Variants in SNTG1 observed in about 807,000 individuals in gnomAD.
The protein encoded by SNTG1 is syntrophin gamma 1, also known as gamma-1-syntrophin.
Under a neutral mutation model 74.7 loss-of-function variants are expected in SNTG1, and 39 were observed. The ratio of observed to expected loss-of-function variants is 0.52; its 90% confidence interval spans 0.40 to 0.68. The LOEUF is 0.68. Ranked by LOEUF, SNTG1 falls within the 30% of genes least tolerant of loss-of-function variation. SNTG1 has a pLI of 0.00. For synonymous variants in SNTG1, 254 were observed against 217.1 expected (o/e 1.17, Z -1.49); for missense variants, 685 against 609.5 (o/e 1.12, Z -1.30).
At chr8:50,592,852 T>C (rs991050960) in intron 13 of SNTG1, among the ~76,000 whole-genome samples, 11 of 152,300 alleles carry the variant, frequency 7.2e-5, no homozygotes, top group African/African-American at 2.4e-4. Flanking sequence ...GTTAATAGAC[T>C]TTTTTCCTTA....
chr8:50,363,218 A>G (rs2092011440), intron 2 of SNTG1, among the ~76,000 whole-genome samples: 1 of 152,170 alleles, frequency 6.6e-6, no homozygotes, highest in Non-Finnish European at 1.5e-5. Context: ...TTATGAAGAA[A>G]CTATCAAGTG....
intron 1 of SNTG1, among the ~76,000 whole-genome samples, chr8:50,171,162 G>A (rs1341328674): frequency 6.6e-6 from 1 of 152,080 alleles, no homozygotes; most frequent in Non-Finnish European, 1.5e-5. Flanking sequence ...AGAATCTGGG[G>A]GCCATCTGTA....
At chr8:49,955,459 C>A (rs1264614272) in intron 1 of SNTG1, among the ~76,000 whole-genome samples, 1 of 152,204 alleles carries the variant, frequency 6.6e-6, no homozygotes, top group Non-Finnish European at 1.5e-5. Context: ...ATGCTTCAAG[C>A]CTCTTTAGCC....
intron 4 of SNTG1, among the ~76,000 whole-genome samples, chr8:50,432,231 G>A (rs561417316): frequency 3.3e-5 from 5 of 152,026 alleles, no homozygotes; most frequent in Non-Finnish European, 7.4e-5. Flanking sequence ...TCTTATGGAT[G>A]TCCAATTCCT....
At chr8:50,747,647 CTTGT>C (rs1378623042) in intron 17 of SNTG1, 1 of 151,876 alleles carries the variant, frequency 6.6e-6, no homozygotes, top group Non-Finnish European at 1.5e-5. Flanking sequence ...AAATTTTGAT[CTTGT>C]TTTAGTATTA....
chr8:50,662,123 A>T (rs1001370595), intron 15 of SNTG1, among the ~76,000 whole-genome samples: 5 of 152,166 alleles, frequency 3.3e-5, no homozygotes, highest in Admixed American at 1.3e-4. Flanking sequence ...CTACAGCCTA[A>T]ATCAGAGGGG....
chr8:50,305,708 T>C (rs1049868062), intron 2 of SNTG1, among the ~76,000 whole-genome samples: 2 of 152,078 alleles, frequency 1.3e-5, no homozygotes, highest in African/African-American at 4.8e-5. Flanking sequence ...ATCTAAAAAA[T>C]TGATGTAAGT....
Position 49,911,581 on chromosome 8 carries a change from A to G in SNTG1, c.-753A>G, listed in dbSNP as rs1805587407. On this transcript the variant is annotated 5_prime_UTR_variant, in exon 1 of 19. Transcript: ENST00000642720. Reference sequence around the variant, plus strand: ...AAAAAAAAGAAAGAAAAAAGAAAAAAAAAAGAACCGGAGGGGAGAAGGCTA... The same window carrying G: ...AAAAAAAAGAAAGAAAAAAGAAAAAGAAAAGAACCGGAGGGGAGAAGGCTA... The G allele has an allele frequency of 6.6e-6, 1 of 151,856 alleles. No homozygotes were observed. Among genetic ancestry groups the G allele is most frequent in the African/African-American group, 2.4e-5 (1 of 41,382 alleles). The allele number at this position is 151,856 out of a possible 1,614,324, so 9.4% of individuals were successfully genotyped here. A position where few individuals can be genotyped will look rare whatever the true frequency, so the allele number is the denominator to read the frequency against.
rs903634376 is a variant in SNTG1 at position 50,120,542 on chromosome 8, A to G, written c.-102-52019A>G. 2.9e-5 allele frequency among the ~76,000 whole-genome samples: 4 copies of G among 135,652 alleles called. 1 individual carries two copies. The Admixed American group carries it at 3.1e-4, about 11-fold the overall frequency. The allele number at this position is 135,652 out of a possible 152,430, so 89.0% of individuals were successfully genotyped here. On this transcript the variant is annotated intron_variant, in intron 1 of 18. Coordinates refer to ENST00000642720, the MANE Select transcript of SNTG1 (RefSeq NM_018967.5). ...TACTGCCATCACCAATACTGCTACC[A>G]TGATAACTACTACTACTACCACTAC...
chr8:50,698,695 T>C (rs551644935), intron 15 of SNTG1, among the ~76,000 whole-genome samples: 10 of 152,124 alleles, frequency 6.6e-5, no homozygotes, highest in Non-Finnish European at 1.0e-4. Context: ...GGATCAAGAA[T>C]GGTGTTCTGT....
chr8:50,580,546 A>T (rs887445342), intron 12 of SNTG1, among the ~76,000 whole-genome samples: 1 of 152,104 alleles, frequency 6.6e-6, no homozygotes, highest in Non-Finnish European at 1.5e-5. Flanking sequence ...CATGGGAGGA[A>T]CCCAGTGGGA....
rs1462905453 is a variant in SNTG1 at position 50,792,840 on chromosome 8, T to C, written c.*11T>C. On this transcript the variant is annotated 3_prime_UTR_variant, in exon 19 of 19. Coordinates refer to ENST00000642720, the MANE Select transcript of SNTG1 (RefSeq NM_018967.5). ...AAGTATACAACTTGACATACTGAAC[T>C]CTTCATTGACACACCCCATGACTGT... 3.1e-6 allele frequency: 5 copies of C among 1,609,998 alleles called. No individual in the cohort carries two copies. The African/African-American group carries it at 5.4e-5, about 17-fold the overall frequency.
chr8:50,044,380 CTT>C (rs1457509139), intron 1 of SNTG1, among the ~76,000 whole-genome samples: 1 of 152,166 alleles, frequency 6.6e-6, no homozygotes, highest in African/African-American at 2.4e-5. Flanking sequence ...TCCTGAGTGT[CTT>C]TTAAATTTCT....
At chr8:50,515,857 G>A (rs759325653) in intron 9 of SNTG1, among the ~76,000 whole-genome samples, 45 of 152,146 alleles carry the variant, frequency 3.0e-4, no homozygotes, top group Non-Finnish European at 5.6e-4. Context: ...CCTGGGGGAA[G>A]GGGCGGCTGT....
chr8:50,501,477 C>A (rs2093954229), intron 8 of SNTG1, among the ~76,000 whole-genome samples: 1 of 133,952 alleles, frequency 7.5e-6, no homozygotes, highest in African/African-American at 2.9e-5. Flanking sequence ...CTCTTGCTGC[C>A]CAGGCTGGAG....
At chr8:50,713,319 C>T (rs751584774) in intron 17 of SNTG1, among the ~76,000 whole-genome samples, 1 of 152,124 alleles carries the variant, frequency 6.6e-6, no homozygotes, top group Non-Finnish European at 1.5e-5. Context: ...AGTGTCTGTT[C>T]ATATCCTTCA....
chr8:49,927,236 C>A (rs866153782), intron 1 of SNTG1, among the ~76,000 whole-genome samples: 2 of 152,122 alleles, frequency 1.3e-5, no homozygotes, highest in African/African-American at 4.8e-5. Context: ...TACAATCTAG[C>A]AATCACACTT....
At chr8:50,529,540 A>G (rs1197383422) in intron 9 of SNTG1, among the ~76,000 whole-genome samples, 2 of 152,048 alleles carry the variant, frequency 1.3e-5, no homozygotes, top group African/African-American at 4.8e-5. Context: ...AGAAGTCAGG[A>G]ACTATTGTGA....
At chr8:50,251,459 C>A (rs368671027) in intron 2 of SNTG1, among the ~76,000 whole-genome samples, 19 of 151,566 alleles carry the variant, frequency 1.3e-4, no homozygotes, top group African/African-American at 4.4e-4. Flanking sequence ...AAACAAAATC[C>A]CACTATATGT....
Sources: allele counts gnomAD v4.1 joint callset (sites outside exome capture counted in the v4.1 genomes callset), GRCh38; gene constraint gnomAD v4.1.1; transcripts MANE v1.5; gene names NCBI Gene and HGNC (gene_info 2026-07-23, HGNC 2026-07-21).